COX7B2: variants seen among roughly 807,000 people sequenced by gnomAD.
COX7B2 encodes cytochrome c oxidase subunit 7B2, mitochondrial.
For missense variants in COX7B2, 109 were observed against 95.9 expected, an observed-to-expected ratio of 1.14 and a Z score of -0.57; for synonymous variants, 37 against 32.1, an observed-to-expected ratio of 1.15 and a Z score of -0.51.
chr4:46,904,265 A>G (rs1445791408), intron 1 of COX7B2, among the ~76,000 whole-genome samples: 3 of 152,170 alleles, frequency 2.0e-5, no homozygotes, highest in African/African-American at 4.8e-5. Context: ...AAGACAAATG[A>G]CACACTAGAG....
intron 2 of COX7B2, among the ~76,000 whole-genome samples, chr4:46,823,352 G>A (rs1714440210): frequency 2.0e-5 from 3 of 151,404 alleles, no homozygotes; most frequent in African/African-American, 7.3e-5. Flanking sequence ...ATGTGTGTAT[G>A]TATATCTCCT....
At chr4:46,875,113 C>G (rs1718242046) in intron 1 of COX7B2, among the ~76,000 whole-genome samples, 1 of 152,136 alleles carries the variant, frequency 6.6e-6, no homozygotes, top group Non-Finnish European at 1.5e-5. Context: ...ATAAAGATAC[C>G]TTCTGCACAA....
intron 2 of COX7B2, among the ~76,000 whole-genome samples, chr4:46,832,879 A>G (rs1715245979): frequency 6.6e-6 from 1 of 151,042 alleles, no homozygotes; most frequent in South Asian, 2.1e-4. Flanking sequence ...ACTACGCTTC[A>G]TGTACAGCCT....
At chr4:46,859,717 G>A (rs765888047) in intron 1 of COX7B2, among the ~76,000 whole-genome samples, 3 of 152,156 alleles carry the variant, frequency 2.0e-5, no homozygotes, top group Non-Finnish European at 4.4e-5. Context: ...GCAACCTCTG[G>A]TTGCCCTTGC....
chr4:46,903,102 T>C (rs1406462399), intron 1 of COX7B2, among the ~76,000 whole-genome samples: 1 of 152,156 alleles, frequency 6.6e-6, no homozygotes. Context: ...CTTTCAATTA[T>C]TAAATTCCCA....
intron 1 of COX7B2, among the ~76,000 whole-genome samples, chr4:46,846,328 A>G (rs1320823975): frequency 3.9e-5 from 6 of 152,084 alleles, no homozygotes; most frequent in Non-Finnish European, 7.4e-5. Context: ...AACAGGGACC[A>G]TAAACAATAA....
intron 2 of COX7B2, among the ~76,000 whole-genome samples, chr4:46,807,092 A>G (rs1414250071): frequency 6.6e-6 from 1 of 150,866 alleles, no homozygotes; most frequent in Non-Finnish European, 1.5e-5. Context: ...TAGAAACCTC[A>G]TACTTTTTTT....
chr4:46,792,188 TACTG>T (rs1165266299), intron 2 of COX7B2, among the ~76,000 whole-genome samples: 1 of 152,224 alleles, frequency 6.6e-6, no homozygotes, highest in Non-Finnish European at 1.5e-5. Flanking sequence ...AGCAATTCTA[TACTG>T]ACTAAGAGAT....
chr4:46,891,650 AG>A (rs1388543046), intron 1 of COX7B2, among the ~76,000 whole-genome samples: 1 of 152,222 alleles, frequency 6.6e-6, no homozygotes, highest in Non-Finnish European at 1.5e-5. Flanking sequence ...GTAGTAGACC[AG>A]TGAATTCAGT....
chr4:46,816,899 G>A (rs1204856930), intron 2 of COX7B2, among the ~76,000 whole-genome samples: 2 of 152,102 alleles, frequency 1.3e-5, no homozygotes, highest in Non-Finnish European at 2.9e-5. Flanking sequence ...TGTTTGTGAG[G>A]GTAAGCCTCA....
At chr4:46,896,864 AAGT>A (rs781033608) in intron 1 of COX7B2, among the ~76,000 whole-genome samples, 1 of 152,182 alleles carries the variant, frequency 6.6e-6, no homozygotes, top group Non-Finnish European at 1.5e-5. Context: ...TTTCTCTTTC[AAGT>A]ACAGTTGAAT....
intron 2 of COX7B2, among the ~76,000 whole-genome samples, chr4:46,833,735 G>A (rs2109735397): frequency 6.6e-6 from 1 of 152,124 alleles, no homozygotes; most frequent in South Asian, 2.1e-4. Flanking sequence ...ATATGAAAAA[G>A]GATGACAGAA....
rs1007319502 is a variant in COX7B2, at chr4:46,772,254, G to A, written c.-49-37013C>T. Among the ~76,000 whole-genome samples, 6 of 152,168 alleles carry A rather than the reference G, an allele frequency of 3.9e-5. No individual in the cohort carries two copies. In the South Asian group the frequency reaches 8.3e-4, roughly 21 times the overall value. On this transcript the variant is annotated intron_variant, in intron 2 of 2. Coordinates refer to ENST00000355591, the MANE Select transcript of COX7B2 (RefSeq NM_130902.3). ...TATGGAACCTAAAAAAATCAAACTCGTAGAAACAGAGAATAATGGTGTTGT... is the reference window on the plus strand; with the variant it reads ...TATGGAACCTAAAAAAATCAAACTCATAGAAACAGAGAATAATGGTGTTGT...
rs552001986 is a variant in COX7B2, at chr4:46,900,131, G to A, written c.-105+9029C>T. The stretch of plus-strand genomic sequence containing the variant: ...AACTTAGCTCTCCCAAAATCAAAAG[G>A]TTACATACTGGGATAGTTTACCTAG... On this transcript the variant is annotated intron_variant, in intron 1 of 2. Coordinates refer to ENST00000355591, the MANE Select transcript of COX7B2 (RefSeq NM_130902.3). 5.9e-5 allele frequency among the ~76,000 whole-genome samples: 9 copies of A among 152,180 alleles called. 2 individuals are homozygous for A. Among genetic ancestry groups the A allele is most frequent in the South Asian group, 2.1e-4 (1 of 4,822 alleles).
At chr4:46,790,604 T>C (rs1717990330) in intron 2 of COX7B2, among the ~76,000 whole-genome samples, 1 of 152,218 alleles carries the variant, frequency 6.6e-6, no homozygotes, top group African/African-American at 2.4e-5. Context: ...TTTTTTACTT[T>C]TAGTATTTCA....
At chr4:46,839,705 CATATT>C (rs1230751803) in intron 2 of COX7B2, among the ~76,000 whole-genome samples, 2 of 152,042 alleles carry the variant, frequency 1.3e-5, no homozygotes, top group African/African-American at 4.8e-5. Flanking sequence ...TTGTGCCTAT[CATATT>C]ATATATTCTA....
chr4:46,754,014 C>T (rs60195615), intron 2 of COX7B2, among the ~76,000 whole-genome samples: 49,769 of 151,910 alleles, frequency 0.33, 8,403 homozygotes, highest in South Asian at 0.47. Context: ...CACAATCAGA[C>T]ACCATTTCAC....
intron 2 of COX7B2, among the ~76,000 whole-genome samples, chr4:46,736,267 G>T (rs1222091315): frequency 6.6e-6 from 1 of 152,078 alleles, no homozygotes; most frequent in Admixed American, 6.6e-5. Flanking sequence ...AGGAAGAAGG[G>T]TTTAATCAGG....
intron 1 of COX7B2, among the ~76,000 whole-genome samples, chr4:46,855,666 T>C (rs1384258988): frequency 6.6e-6 from 1 of 152,074 alleles, no homozygotes; most frequent in Non-Finnish European, 1.5e-5. Flanking sequence ...AGACCCAAAT[T>C]TGTTGAACTC....
Sources: allele counts gnomAD v4.1 joint callset (sites outside exome capture counted in the v4.1 genomes callset), GRCh38; gene constraint gnomAD v4.1.1; transcripts MANE v1.5; gene names NCBI Gene and HGNC (gene_info 2026-07-23, HGNC 2026-07-21).